MACF1: variants seen among roughly 807,000 people sequenced by gnomAD.
MACF1 encodes the protein microtubule-actin cross-linking factor 1.
Under a neutral mutation model 854.8 loss-of-function variants are expected in MACF1, and 193 were observed. The observed-to-expected ratio is 0.23, with a 90% CI of 0.20 to 0.25. The LOEUF is 0.25. Ranked by LOEUF, MACF1 falls within the 10% of genes least tolerant of loss-of-function variation. The probability of loss-of-function intolerance (pLI) is 1.00; values close to 1 mark genes in which losing one functional copy is unlikely to be tolerated. For synonymous variants in MACF1, 3,185 were observed against 3,226.7 expected (o/e 0.99, Z 0.44); for missense variants, 7,722 against 8,929.1 (o/e 0.86, Z 5.45).
At chr1:39,194,119 C>T (rs1644288005) in intron 2 of MACF1, among the ~76,000 whole-genome samples, 1 of 152,072 alleles carries the variant, frequency 6.6e-6, no homozygotes, top group African/African-American at 2.4e-5. Context: ...AGGCATGCGC[C>T]ACCACACCTG....
chr1:39,139,271 C>T (rs2148182556), intron 2 of MACF1, among the ~76,000 whole-genome samples: 1 of 151,788 alleles, frequency 6.6e-6, no homozygotes, highest in African/African-American at 2.4e-5. Flanking sequence ...TTACCCTTTA[C>T]CTTTTTTAAA....
At chr1:39,202,976 T>G, upstream of MACF1, among the ~76,000 whole-genome samples, 1 of 152,170 alleles carries the variant, frequency 6.6e-6, no homozygotes, top group East Asian at 1.9e-4. Flanking sequence ...ATTATTTTTC[T>G]GGGTAGTAGG....
chr1:39,439,752 T>C (rs886315283), intron 72 of MACF1, among the ~76,000 whole-genome samples: 2 of 152,144 alleles, frequency 1.3e-5, no homozygotes, highest in Admixed American at 6.5e-5. Context: ...ATTACAGGCA[T>C]GTGCCACCAT....
In MACF1 at chr1:39,442,305, A is replaced by G. The variant is rs770807539; in HGVS notation, c.18933A>G (p.Lys6311=). ...LKHLWENLGE[K]IAHRQHKLEG... The stretch of plus-strand genomic sequence containing the variant: ...ACCTCTGGGAGAACCTGGGTGAGAA[A>G]ATTGCCCACCGACAGGTAAGGCAGG... The change falls in exon 76 of 101, where the codon AAA becomes AAG. Residue 6311 remains lysine (K), a synonymous_variant. Transcript: ENST00000564288. The G allele has an allele frequency of 3.1e-6, 5 of 1,595,380 alleles. No individual in the cohort carries two copies. The African/African-American group carries it at 4.1e-5, about 13-fold the overall frequency.
At chr1:39,100,086 C>T (rs985450235) in intron 2 of MACF1, among the ~76,000 whole-genome samples, 3 of 152,072 alleles carry the variant, frequency 2.0e-5, no homozygotes, top group Non-Finnish European at 4.4e-5. Context: ...CGTGGTGGCA[C>T]CTGCCTGTAG....
chr1:39,380,996 TTAGA>T (rs1228402446), intron 55 of MACF1, among the ~76,000 whole-genome samples: 3 of 151,970 alleles, frequency 2.0e-5, no homozygotes, highest in Non-Finnish European at 4.4e-5. Context: ...AATAAAGAGA[TTAGA>T]TAAATTGTGT....
chr1:39,163,721 A>C (rs1643851105), intron 2 of MACF1, among the ~76,000 whole-genome samples: 3 of 152,194 alleles, frequency 2.0e-5, no homozygotes, highest in African/African-American at 7.2e-5. Context: ...GTCCCCTGTT[A>C]CCACATACAG....
At chr1:39,282,112 C>G (rs1031021018) in intron 6 of MACF1, 96 bp from the exon 7 acceptor site, 4 of 1,316,426 alleles carry the variant, frequency 3.0e-6, no homozygotes, top group Non-Finnish European at 4.2e-6. Flanking sequence ...AGCCTTGGAC[C>G]TTCGTTTTAC....
intron 23 of MACF1, 34 bp from the exon 24 acceptor site, chr1:39,309,536 C>A (rs192917713): frequency 1.9e-6 from 3 of 1,612,066 alleles, no homozygotes; most frequent in Admixed American, 3.4e-5. Flanking sequence ...TGAAGTCTTA[C>A]AAAGGTAATA....
chr1:39,119,418 TTTG>T (rs149476759), intron 2 of MACF1, among the ~76,000 whole-genome samples: 41,026 of 151,344 alleles, frequency 0.27, 5,975 homozygotes, highest in Non-Finnish European at 0.33. Flanking sequence ...CATTTCTTAG[TTTG>T]TTGTTGTTGT....
intron 2 of MACF1, among the ~76,000 whole-genome samples, chr1:39,124,837 C>T: frequency 6.6e-6 from 1 of 152,204 alleles, no homozygotes; most frequent in East Asian, 1.9e-4. Flanking sequence ...AGAAACAGAA[C>T]AAACAGGTTA....
At chr1:39,380,182 C>T in intron 54 of MACF1, 62 bp from the exon 55 acceptor site, 1 of 1,549,954 alleles carries the variant, frequency 6.5e-7, no homozygotes, top group East Asian at 2.3e-5. Flanking sequence ...TCATTTCTAC[C>T]ACACACACAA....
chr1:39,329,319 T>C (rs775982869), intron 36 of MACF1, among the ~76,000 whole-genome samples: 2 of 152,234 alleles, frequency 1.3e-5, no homozygotes, highest in South Asian at 2.1e-4. Context: ...TGTATTCTTA[T>C]TGTATGCACC....
At chr1:39,380,919 A>T (rs1322340230) in intron 55 of MACF1, among the ~76,000 whole-genome samples, 1 of 152,178 alleles carries the variant, frequency 6.6e-6, no homozygotes, top group Non-Finnish European at 1.5e-5. Context: ...CTCCAAAAAA[A>T]ACGTAACAAA....
intron 58 of MACF1, among the ~76,000 whole-genome samples, chr1:39,393,254 T>G (rs1356841945): frequency 1.4e-5 from 2 of 143,628 alleles, no homozygotes; most frequent in Admixed American, 7.0e-5. Flanking sequence ...CAAGAGATTT[T>G]CCTCATTTTG....
rs9988599 is a variant in MACF1 at position 39,152,272 on chromosome 1, G to A, written c.220+67834G>A. On this transcript the variant is annotated intron_variant, in intron 2 of 93. Transcript: ENST00000361689. ...ACAGGCATGCAACACTGTGCCCGGC[G>A]TGCACAGTGTATATCTTTAGGTAAA... 6.0e-3 allele frequency among the ~76,000 whole-genome samples: 906 copies of A among 152,172 alleles called. 7 individuals are homozygous for A. Among genetic ancestry groups the A allele is most frequent in the African/African-American group, 0.021 (861 of 41,520 alleles).
At position 39,361,380 on chromosome 1, in the gene MACF1, T is replaced by A; in HGVS notation, c.12474T>A (p.Ala4158=). The A allele has an allele frequency of 6.2e-7, 1 of 1,613,304 alleles. No homozygotes were observed. The highest frequency in any genetic ancestry group is 8.5e-7 in the Non-Finnish European group (1 of 1,179,514). Residue 4158 remains alanine (A), a synonymous_variant, in exon 49 of 101, where the codon GCT becomes GCA. Transcript: ENST00000564288. ...ATNMKLKQDI[A]RQKSSLEATR... is the part of the protein sequence containing the mutation. The stretch of plus-strand genomic sequence containing the variant: ...GACAGAAATTGAAGCAGGACATTGC[T>A]CGGCAAAAGAGCAGCTTGGAGGCCA...
chr1:39,309,947 C>T (rs1646267270), intron 24 of MACF1, among the ~76,000 whole-genome samples: 1 of 152,168 alleles, frequency 6.6e-6, no homozygotes, highest in African/African-American at 2.4e-5. Context: ...CAGGCTTTTT[C>T]TCACTCTGTA....
intron 58 of MACF1, chr1:39,412,101 T>A (rs778982746): frequency 6.2e-7 from 1 of 1,613,972 alleles, no homozygotes; most frequent in South Asian, 1.1e-5. Context: ...GGGTTTCTCA[T>A]GAAGAAAAAT....
Sources: allele counts gnomAD v4.1 joint callset (sites outside exome capture counted in the v4.1 genomes callset), GRCh38; gene constraint gnomAD v4.1.1; transcripts MANE v1.5; gene names NCBI Gene and HGNC (gene_info 2026-07-23, HGNC 2026-07-21).